ALMS1: variants seen among roughly 807,000 people sequenced by gnomAD.
The protein encoded by ALMS1 is centrosome-associated protein ALMS1.
ALMS1 carries 271 observed loss-of-function variants against 352.2 expected under a neutral mutation model. The ratio of observed to expected loss-of-function variants is 0.77; its 90% CI spans 0.70 to 0.85. The LOEUF (loss-of-function observed/expected upper bound fraction) is 0.85. Ranked by LOEUF, ALMS1 falls within the 40% of genes least tolerant of loss-of-function variation. The probability of loss-of-function intolerance (pLI) is 0.00; values close to 1 mark genes in which losing one functional copy is unlikely to be tolerated. For synonymous variants in ALMS1, 1,865 were observed against 1,761.2 expected (o/e 1.06, Z -1.48); for missense variants, 5,445 against 4,870.7 (o/e 1.12, Z -3.51).
intron 16 of ALMS1, among the ~76,000 whole-genome samples, chr2:73,587,816 A>G (rs759800577): frequency 2.0e-5 from 3 of 152,234 alleles, no homozygotes; most frequent in Non-Finnish European, 2.9e-5. Context: ...AGTAAACTCA[A>G]TTAGAAACAA....
intron 1 of ALMS1, among the ~76,000 whole-genome samples, chr2:73,402,051 AGTGT>A (rs1558631090): frequency 2.4e-5 from 2 of 84,892 alleles, no homozygotes; most frequent in East Asian, 3.9e-4. Context: ...TGTGTGTGTG[AGTGT>A]GAGTGTATGT....
chr2:73,452,012 A>G lies in ALMS1; in HGVS notation c.5485A>G (p.Lys1829Glu), dbSNP rs1671954055. The G allele has an allele frequency of 6.2e-7, 1 of 1,613,718 alleles. No individual in the cohort carries two copies. Among genetic ancestry groups the G allele is most frequent in the African/African-American group, 1.3e-5 (1 of 74,886 alleles). ...GCCGCATTTTACTGAAGCAGGTTTG[A>G]AAATTTTAAGAGTTCCTGGACCAGC... is the stretch of plus-strand genomic sequence containing the variant. Reference protein sequence around the residue: ...ELPHFTEAGLKILRVPGPADQ... With the variant: ...ELPHFTEAGLEILRVPGPADQ... The change falls in exon 8 of 23, where the codon AAA (lysine) becomes GAA (glutamate). Residue 1829 changes from lysine to glutamate, a missense_variant. Coordinates refer to ENST00000613296, the MANE Select transcript of ALMS1 (RefSeq NM_001378454.1).
At chr2:73,594,680 A>G (rs1479054840) in intron 16 of ALMS1, among the ~76,000 whole-genome samples, 1 of 152,186 alleles carries the variant, frequency 6.6e-6, no homozygotes, top group Non-Finnish European at 1.5e-5. Context: ...ACTTAAATCC[A>G]ATATCTCCTT....
chr2:73,490,722 C>T lies in ALMS1; in HGVS notation c.8763C>T (p.Cys2921=), dbSNP rs765908556. The T allele has an allele frequency of 2.5e-6, 4 of 1,614,178 alleles. No individual in the cohort carries two copies. The highest frequency in any genetic ancestry group is 3.4e-6 in the Non-Finnish European group (4 of 1,180,028). The part of the protein sequence containing the change: ...QDYVAPDLPS[C]IFLEQRELFE... Reference sequence around the variant, plus strand: ...ATGTAGCTCCAGACCTTCCTTCTTGCATTTTTCTTGAACAACGAGAACTCT... The same window carrying T: ...ATGTAGCTCCAGACCTTCCTTCTTGTATTTTTCTTGAACAACGAGAACTCT... The change falls in exon 10 of 23, where the codon TGC becomes TGT. Residue 2921 remains cysteine, a synonymous_variant. Coordinates refer to ENST00000613296, the MANE Select transcript of ALMS1 (RefSeq NM_001378454.1).
chr2:73,496,649 T>C (rs1370787906), intron 10 of ALMS1, among the ~76,000 whole-genome samples: 1 of 150,020 alleles, frequency 6.7e-6, no homozygotes, highest in Non-Finnish European at 1.5e-5. Flanking sequence ...TATTCAGAGC[T>C]AAACTAATAC....
chr2:73,452,038 T>C lies in ALMS1; in HGVS notation c.5511T>C (p.Ala1837=), dbSNP rs1373892417. 3 of 1,614,130 alleles carry C rather than the reference T, an allele frequency of 1.9e-6. No homozygotes were observed. Among genetic ancestry groups the C allele is most frequent in the Non-Finnish European group, 2.5e-6 (3 of 1,180,004 alleles). Residue 1837 remains alanine (A), a synonymous_variant, in exon 8 of 23, where the codon GCT becomes GCC. Coordinates refer to ENST00000613296, the MANE Select transcript of ALMS1 (RefSeq NM_001378454.1). ...GLKILRVPGP[A]DQKTGINILP... ...AAATTTTAAGAGTTCCTGGACCAGC[T>C]GACCAGAAGACTGGAATAAACATCC... is the stretch of plus-strand genomic sequence containing the variant.
chr2:73,570,737 G>A (rs1034549417), intron 15 of ALMS1, among the ~76,000 whole-genome samples: 2 of 152,210 alleles, frequency 1.3e-5, no homozygotes, highest in African/African-American at 4.8e-5. Flanking sequence ...GGAGGAACTT[G>A]CCTTTAAAAG....
At chr2:73,591,407 ATTAAT>A (rs1276472372) in intron 16 of ALMS1, among the ~76,000 whole-genome samples, 1 of 152,214 alleles carries the variant, frequency 6.6e-6, no homozygotes, top group Non-Finnish European at 1.5e-5. Flanking sequence ...ATGTCAATAA[ATTAAT>A]TTATTAGAAA....
In ALMS1 at chr2:73,467,337, A is replaced by C. The variant is rs1672376918; in HGVS notation, c.7674+12042A>C. On this transcript the variant is annotated intron_variant, in intron 9 of 22. Coordinates refer to ENST00000613296, the MANE Select transcript of ALMS1 (RefSeq NM_001378454.1). ...AGGTGTCTCATAAATGAAGATATCC[A>C]AGTGGACAGTAAGCATTTGAAAACA... is the stretch of plus-strand genomic sequence containing the variant. Among the ~76,000 whole-genome samples the C allele has an allele frequency of 2.0e-5, 3 of 152,144 alleles. No individual in the cohort carries two copies. The South Asian group carries it at 6.2e-4, about 31-fold the overall frequency.
At chr2:73,408,312 A>G (rs1671011275) in intron 1 of ALMS1, among the ~76,000 whole-genome samples, 1 of 152,176 alleles carries the variant, frequency 6.6e-6, no homozygotes, top group Non-Finnish European at 1.5e-5. Flanking sequence ...AGTCCCTATT[A>G]TTGGGGTTGA....
chr2:73,573,294 T>C lies in ALMS1; in HGVS notation c.11417T>C (p.Ile3806Thr), dbSNP rs1378246706. ...AGAGTATGCTTGTCACCCAGACGAA[T>C]TAAATTATATAGCAGCATCACCAAC... The part of the protein sequence containing the change: ...HERVCLSPRR[I>T]KLYSSITNQQ... Residue 3806 changes from isoleucine to threonine, a missense_variant, in exon 16 of 23, where the codon ATT becomes ACT. By Grantham distance (89) the Ile-to-Thr change is moderately conservative (BLOSUM62 -1). Transcript: ENST00000613296. 1.2e-6 allele frequency: 2 copies of C among 1,614,002 alleles called. No homozygotes were observed. The highest frequency in any genetic ancestry group is 1.7e-6 in the Non-Finnish European group (2 of 1,180,000).
At chr2:73,523,700 G>T (rs1189443540) in intron 11 of ALMS1, among the ~76,000 whole-genome samples, 2 of 152,104 alleles carry the variant, frequency 1.3e-5, no homozygotes, top group African/African-American at 4.8e-5. Context: ...CCGGAAGGTG[G>T]AGGTTGCAGT....
intron 7 of ALMS1, among the ~76,000 whole-genome samples, chr2:73,443,409 C>G (rs1382362619): frequency 6.6e-6 from 1 of 152,124 alleles, no homozygotes; most frequent in Non-Finnish European, 1.5e-5. Flanking sequence ...TGCCTAATTT[C>G]TGGTTTTTAT....
Position 73,451,298 on chromosome 2 carries a change from C to T in ALMS1, c.4771C>T (p.Pro1591Ser). 3 of 1,613,994 alleles carry T rather than the reference C, an allele frequency of 1.9e-6. No individual in the cohort carries two copies. Among genetic ancestry groups the T allele is most frequent in the Non-Finnish European group, 1.7e-6 (2 of 1,179,966 alleles). ...ACAGGCCTTTCCAGATGGTCATCTA[C>T]CTGAAGAGGCTCTGAAAGTTTCCAT... ...YKQAFPDGHL[P>S]EEALKVSIVS... Residue 1591 changes from proline (P) to serine (S), a missense_variant, in exon 8 of 23, where the codon CCT becomes TCT. Transcript: ENST00000613296.
chr2:73,551,500 G>A (rs1228414049), intron 13 of ALMS1, among the ~76,000 whole-genome samples: 1 of 142,776 alleles, frequency 7.0e-6, no homozygotes, highest in Non-Finnish European at 1.5e-5. Flanking sequence ...GCGATGGCGC[G>A]ATCTTGGCAC....
chr2:73,424,947 A>G (rs757289485), intron 5 of ALMS1, 45 bp downstream of exon 5: 1 of 1,502,818 alleles, frequency 6.7e-7, no homozygotes. Context: ...CACAATTGAT[A>G]AAAATAAAAT....
intron 16 of ALMS1, among the ~76,000 whole-genome samples, chr2:73,579,266 G>T (rs1675121841): frequency 6.6e-6 from 1 of 151,606 alleles, no homozygotes; most frequent in Non-Finnish European, 1.5e-5. Flanking sequence ...CACCATGTTG[G>T]CCAGGCTGGT....
intron 11 of ALMS1, among the ~76,000 whole-genome samples, chr2:73,531,062 T>G (rs898109034): frequency 6.6e-6 from 1 of 152,244 alleles, no homozygotes; most frequent in Non-Finnish European, 1.5e-5. Flanking sequence ...TTTTCCCCAT[T>G]GTCTTGGCTA....
At chr2:73,588,210 CAAAG>C (rs1675350253) in intron 16 of ALMS1, among the ~76,000 whole-genome samples, 1 of 152,118 alleles carries the variant, frequency 6.6e-6, no homozygotes, top group Non-Finnish European at 1.5e-5. Context: ...AGGGACATAA[CAAAG>C]AAACTGTTGA....
Sources: allele counts gnomAD v4.1 joint callset (sites outside exome capture counted in the v4.1 genomes callset), GRCh38; gene constraint gnomAD v4.1.1; transcripts MANE v1.5; gene names NCBI Gene and HGNC (gene_info 2026-07-23, HGNC 2026-07-21).